Variants in ZNF75A observed in about 807,000 individuals in gnomAD.
ZNF75A encodes the protein zinc finger protein 75A.
In ZNF75A, 36 loss-of-function variants were observed where a neutral mutation model predicts 46.3. The observed-to-expected ratio is 0.78, with a 90% CI of 0.60 to 1.03. The LOEUF is 1.03. Among genes scored for constraint, ZNF75A ranks in the 50% least tolerant of loss-of-function variants. ZNF75A has a pLI of 0.00. For missense variants in ZNF75A, 595 were observed against 551.3 expected, an observed-to-expected ratio of 1.08 and a Z score of -0.79; for synonymous variants, 234 against 189.9, an observed-to-expected ratio of 1.23 and a Z score of -1.91.
rs374418517 is a variant in ZNF75A at position 3,316,918 on chromosome 16, T to C, written c.830T>C (p.Phe277Ser). The change falls in exon 6 of 7, where the codon TTT (phenylalanine) becomes TCT (serine). Residue 277 changes from phenylalanine (F) to serine (S), a missense_variant. Coordinates refer to ENST00000669516, the MANE Select transcript of ZNF75A (RefSeq NM_001302109.2). Reference protein sequence around the residue: ...NYETVISLALFVLPKPKVISC... With the variant: ...NYETVISLALSVLPKPKVISC... ...CATTTTGTCCATTTGACAGCATTGT[T>C]TGTGCTCCCCAAACCTAAAGTGATC... 3.7e-6 allele frequency: 6 copies of C among 1,611,314 alleles called. No homozygotes were observed. Among genetic ancestry groups the C allele is most frequent in the Non-Finnish European group, 5.1e-6 (6 of 1,178,828 alleles).
chr16:3,317,246 G>A lies in ZNF75A; in HGVS notation c.991G>A (p.Glu331Lys), dbSNP rs762370715. Residue 331 changes from glutamate (E) to lysine (K), a missense_variant, in exon 7 of 7, where the codon GAA becomes AAA. Coordinates refer to ENST00000669516, the MANE Select transcript of ZNF75A (RefSeq NM_001302109.2). ...NHQPVSLSDL[E>K]IQASAGVISK... Reference sequence around the variant, plus strand: ...TCAGCCTGTGTCTCTTTCTGACTTAGAAATACAAGCATCAGCAGGCGTCAT... The same window carrying A: ...TCAGCCTGTGTCTCTTTCTGACTTAAAAATACAAGCATCAGCAGGCGTCAT... 103 of 1,613,798 alleles carry A rather than the reference G, an allele frequency of 6.4e-5. No homozygotes were observed. Among genetic ancestry groups the A allele is most frequent in the Non-Finnish European group, 8.2e-5 (97 of 1,179,990 alleles).
chr16:3,309,646 C>A (rs1960579418), intron 2 of ZNF75A, among the ~76,000 whole-genome samples: 1 of 150,172 alleles, frequency 6.7e-6, no homozygotes. Flanking sequence ...GTCCCAGTTA[C>A]TTGGGAGGCT....
In ZNF75A at chr16:3,316,985, C is replaced by A. The variant is rs370708134; in HGVS notation, c.897C>A (p.Ser299=). ...EQGEEPWVQV[S]PEFKDSAGKS... ...GGGAAGAGCCATGGGTTCAAGTATCCCCGGAGTTTAAGGATAGTGCCGGAA... is the reference window on the plus strand; with the variant it reads ...GGGAAGAGCCATGGGTTCAAGTATCACCGGAGTTTAAGGATAGTGCCGGAA... The change falls in exon 6 of 7, where the codon TCC becomes TCA. Residue 299 remains serine (S), a synonymous_variant. Transcript: ENST00000669516. 24 of 1,613,830 alleles carry A rather than the reference C, an allele frequency of 1.5e-5. No individual in the cohort carries two copies. The African/African-American group carries it at 2.9e-4, about 20-fold the overall frequency.
downstream of ZNF75A, among the ~76,000 whole-genome samples, chr16:3,320,436 A>G (rs1961486772): frequency 6.6e-6 from 1 of 152,178 alleles, no homozygotes; most frequent in South Asian, 2.1e-4. Flanking sequence ...CATTCTGCCT[A>G]GCCTTTGGCC....
Position 3,308,307 on chromosome 16 carries a change from C to A in ZNF75A, c.-116-6C>A, listed in dbSNP as rs984157392. On this transcript the variant is annotated splice_region_variant and splice_polypyrimidine_tract_variant and intron_variant, in intron 1 of 6. Coordinates refer to ENST00000669516, the MANE Select transcript of ZNF75A (RefSeq NM_001302109.2). ...TGATACATACTTTTCTTTTTCTTGT[C>A]CTCAGTGCTTTTAGGAAGAAGATCC... The A allele has an allele frequency of 1.6e-6, 1 of 643,624 alleles. No individual in the cohort carries two copies. The highest frequency in any genetic ancestry group is 1.9e-6 in the Non-Finnish European group (1 of 517,386). 39.9% of individuals were successfully genotyped at this position (643,624 alleles called of 1,614,324 possible).
downstream of ZNF75A, among the ~76,000 whole-genome samples, chr16:3,319,587 G>T (rs1961448168): frequency 6.6e-6 from 1 of 152,152 alleles, no homozygotes; most frequent in Non-Finnish European, 1.5e-5. Flanking sequence ...GAAGGCCTAT[G>T]ATGTGTCAGG....
At position 3,318,156 on chromosome 16, in the gene ZNF75A, A is replaced by C; in HGVS notation, c.*287A>C. ...GTCTTCCAAAACAAAAAGCAGTAACATGCATGTTTAATTGCATACCATTCT... is the reference window on the plus strand; with the variant it reads ...GTCTTCCAAAACAAAAAGCAGTAACCTGCATGTTTAATTGCATACCATTCT... On this transcript the variant is annotated 3_prime_UTR_variant, in exon 7 of 7. Coordinates refer to ENST00000669516, the MANE Select transcript of ZNF75A (RefSeq NM_001302109.2). The C allele has an allele frequency of 8.7e-7, 1 of 1,146,306 alleles. No individual in the cohort carries two copies. Among genetic ancestry groups the C allele is most frequent in the Non-Finnish European group, 1.1e-6 (1 of 932,958 alleles). 71.0% of individuals were successfully genotyped at this position (1,146,306 alleles called of 1,614,324 possible).
At chr16:3,313,243 G>A in intron 5 of ZNF75A, 68 bp downstream of exon 5, 3 of 1,523,176 alleles carry the variant, frequency 2.0e-6, no homozygotes. Context: ...AGGAACCCCA[G>A]TGAGGGGTGT....
At chr16:3,318,901 C>G, downstream of ZNF75A, 2 of 929,260 alleles carry the variant, frequency 2.2e-6, no homozygotes, top group African/African-American at 1.8e-5. Context: ...TTGTTCTGTC[C>G]TGTCCTGTAA....
chr16:3,312,888 C>T (rs1960916841), intron 4 of ZNF75A, 120 bp downstream of exon 4: 1 of 1,199,900 alleles, frequency 8.3e-7, no homozygotes, highest in East Asian at 2.6e-5. Context: ...TGGGTACCTC[C>T]CAGGCTGTGG....
intron 5 of ZNF75A, among the ~76,000 whole-genome samples, chr16:3,315,808 T>A (rs774651661): frequency 4.6e-5 from 7 of 152,246 alleles, no homozygotes; most frequent in South Asian, 2.1e-4. Context: ...TAACCATATT[T>A]GGAGAAAAAT....
In ZNF75A at chr16:3,317,207, G is replaced by A. The variant is rs568352341; in HGVS notation, c.952G>A (p.Asp318Asn). The change falls in exon 7 of 7, where the codon GAC becomes AAC. Residue 318 changes from aspartate (D) to asparagine (N), a missense_variant. Coordinates refer to ENST00000669516, the MANE Select transcript of ZNF75A (RefSeq NM_001302109.2). ...TCCAACAGGGTTAAAGCTCAAAAAC[G>A]ACACTGAAAATCATCAGCCTGTGTC... ...KSPTGLKLKN[D>N]TENHQPVSLS... 22 of 1,610,606 alleles carry A rather than the reference G, an allele frequency of 1.4e-5. No individual in the cohort carries two copies. The highest frequency in any genetic ancestry group is 2.7e-5 in the African/African-American group (2 of 74,528).
intron 3 of ZNF75A, among the ~76,000 whole-genome samples, 155 bp from the exon 4 acceptor site, chr16:3,312,522 A>T (rs1349974398): frequency 1.3e-5 from 2 of 152,168 alleles, no homozygotes; most frequent in Non-Finnish European, 2.9e-5. Context: ...TGGATATTTG[A>T]TTCTTATTTA....
At chr16:3,311,969 TTTC>T (rs2150811839) in intron 3 of ZNF75A, 21 bp downstream of exon 3, 2 of 981,280 alleles carry the variant, frequency 2.0e-6, no homozygotes, top group Middle Eastern at 5.3e-4. Context: ...TCATGATAAT[TTTC>T]TTCTCCTGGG....
At chr16:3,314,622 C>T in intron 5 of ZNF75A, 1 of 976,416 alleles carries the variant, frequency 1.0e-6, no homozygotes, top group African/African-American at 1.7e-5. Context: ...TGGGCCCCCG[C>T]CTTTTTTTTT....
chr16:3,320,543 G>A (rs528932579), downstream of ZNF75A, among the ~76,000 whole-genome samples: 65 of 152,332 alleles, frequency 4.3e-4, 2 homozygotes, highest in Admixed American at 3.6e-3. Context: ...TGATAGGGAA[G>A]AAAGACATTG....
At chr16:3,310,958 C>G in intron 2 of ZNF75A, 1 of 985,298 alleles carries the variant, frequency 1.0e-6, no homozygotes, top group Non-Finnish European at 1.2e-6. Flanking sequence ...TAGGTTGGAG[C>G]CACTCCCCTT....
chr16:3,315,255 G>A (rs1035736940), intron 5 of ZNF75A: 7 of 217,000 alleles, frequency 3.2e-5, no homozygotes, highest in Admixed American at 2.0e-4. Flanking sequence ...GCAGTGGTGC[G>A]ATCTCAGCTC....
chr16:3,323,340 A>G (rs1234408687), downstream of ZNF75A: 24 of 1,107,258 alleles, frequency 2.2e-5, no homozygotes, highest in East Asian at 5.6e-4. Context: ...GAAATGCTTC[A>G]CTGGGAGGCA....
Sources: gnomAD v4.1 joint callset for allele counts (sites outside exome capture counted in the v4.1 genomes callset) on GRCh38, gnomAD v4.1.1 for gene constraint, MANE v1.5 for transcripts, NCBI Gene and HGNC (gene_info 2026-07-23, HGNC 2026-07-21) for gene names.